The following PREP variants were observed in gnomAD, a reference collection of about 807,000 sequenced individuals.
PREP encodes the protein prolyl endopeptidase, also known as dJ355L5.1 (prolyl endopeptidase).
In PREP, 29 loss-of-function variants were observed where a neutral mutation model predicts 87.6. That is an observed-to-expected ratio of 0.33 (90% CI 0.25 to 0.45). The LOEUF (loss-of-function observed/expected upper bound fraction) is 0.45, where lower values mean the gene tolerates loss of function less well. Among genes scored for constraint, PREP ranks in the 20% least tolerant of loss-of-function variants. PREP has a pLI of 1.00. For synonymous variants in PREP, 337 were observed against 328.6 expected, an observed-to-expected ratio of 1.03 and a Z score of -0.28; for missense variants, 695 against 886.5, an observed-to-expected ratio of 0.78 and a Z score of 2.74.
At chr6:105,282,288 T>C (rs1298028394) in intron 13 of PREP, among the ~76,000 whole-genome samples, 163 bp downstream of exon 13, 1 of 152,224 alleles carries the variant, frequency 6.6e-6, no homozygotes, top group Non-Finnish European at 1.5e-5. Flanking sequence ...CGTATGTCAT[T>C]TATCAGATAC....
chr6:105,324,922 G>A (rs1192985558), intron 9 of PREP, among the ~76,000 whole-genome samples: 6 of 152,300 alleles, frequency 3.9e-5, no homozygotes, highest in South Asian at 4.1e-4. Context: ...CAGGGTATAC[G>A]ATTAACGCTG....
Position 105,343,356 on chromosome 6 carries a change from T to C in PREP, c.823+9616A>G, listed in dbSNP as rs1299943175. Reference sequence around the variant, plus strand: ...AAGCTGAAACTGGATCCCTTCCTTATACCTTATACAAAAATTAATTCAAGA... The same window carrying C: ...AAGCTGAAACTGGATCCCTTCCTTACACCTTATACAAAAATTAATTCAAGA... On this transcript the variant is annotated intron_variant, in intron 7 of 14. Transcript: ENST00000652536. Among the ~76,000 whole-genome samples the C allele has an allele frequency of 6.1e-3, 905 of 149,580 alleles. 4 individuals are homozygous for C. The highest frequency in any genetic ancestry group is 9.0e-3 in the Non-Finnish European group (608 of 67,342).
intron 7 of PREP, among the ~76,000 whole-genome samples, chr6:105,347,409 C>A (rs1325025781): frequency 6.6e-6 from 1 of 152,158 alleles, no homozygotes; most frequent in Non-Finnish European, 1.5e-5. Flanking sequence ...TTTAGGTACT[C>A]CTACATTTTA....
At position 105,323,234 on chromosome 6, in the gene PREP, C is replaced by T. The variant is rs553633746; in HGVS notation, c.1317+431G>A. 8.0e-5 allele frequency: 67 copies of T among 835,798 alleles called. No individual in the cohort carries two copies. In the African/African-American group the frequency reaches 1.2e-3, roughly 14 times the overall value. The allele number at this position is 835,798 out of a possible 1,614,324, so 51.8% of individuals were successfully genotyped here. On this transcript the variant is annotated intron_variant, in intron 10 of 14. Transcript: ENST00000652536. ...GTTTTATTGAGTGTCTACTCTGTGTCATGCAGAAATGCACATGAACTTCAG... is the reference window on the plus strand; with the variant it reads ...GTTTTATTGAGTGTCTACTCTGTGTTATGCAGAAATGCACATGAACTTCAG...
At chr6:105,352,614 C>T (rs1412242417) in intron 7 of PREP, among the ~76,000 whole-genome samples, 1 of 152,176 alleles carries the variant, frequency 6.6e-6, no homozygotes, top group Non-Finnish European at 1.5e-5. Flanking sequence ...GCCTCCTGAG[C>T]CCCTAGGATT....
At chr6:105,293,015 T>A (rs1309702104) in intron 10 of PREP, among the ~76,000 whole-genome samples, 2 of 152,338 alleles carry the variant, frequency 1.3e-5, no homozygotes, top group African/African-American at 4.8e-5. Context: ...TGATCTTCTA[T>A]CCAGACCACT....
In PREP at chr6:105,277,062, T is replaced by C. The variant is rs1448558814; in HGVS notation, c.*1082A>G. On this transcript the variant is annotated 3_prime_UTR_variant, in exon 15 of 15. Coordinates refer to ENST00000652536, the MANE Select transcript of PREP (RefSeq NM_002726.5). ...CAAACTGATACTCAAAGGAACATTG[T>C]TTCATGAAATGTTAAAATATATGCC... Among the ~76,000 whole-genome samples, 1 of 152,166 alleles carries C rather than the reference T, an allele frequency of 6.6e-6. No individual in the cohort carries two copies. The highest frequency in any genetic ancestry group is 1.5e-5 in the Non-Finnish European group (1 of 68,024).
chr6:105,300,083 G>C (rs1332099475), intron 10 of PREP, among the ~76,000 whole-genome samples: 1 of 152,142 alleles, frequency 6.6e-6, no homozygotes, highest in African/African-American at 2.4e-5. Flanking sequence ...TTTTAGTAGA[G>C]ATAGGGTTTC....
At chr6:105,351,952 T>C (rs1771967357) in intron 7 of PREP, among the ~76,000 whole-genome samples, 1 of 152,186 alleles carries the variant, frequency 6.6e-6, no homozygotes, top group African/African-American at 2.4e-5. Flanking sequence ...TATATGTGTG[T>C]GAATGGTGCT....
intron 10 of PREP, among the ~76,000 whole-genome samples, chr6:105,295,221 A>G (rs1770384983): frequency 7.0e-6 from 1 of 142,014 alleles, no homozygotes; most frequent in African/African-American, 2.7e-5. Context: ...GGCCTTGCCT[A>G]TCCCTCACAG....
intron 10 of PREP, among the ~76,000 whole-genome samples, chr6:105,297,831 C>T: frequency 6.6e-6 from 1 of 152,272 alleles, no homozygotes; most frequent in African/African-American, 2.4e-5. Flanking sequence ...CCTGGCACCC[C>T]CTTTCACCTT....
chr6:105,311,997 ACTCTTT>A (rs1367751091), intron 10 of PREP, among the ~76,000 whole-genome samples: 3 of 152,190 alleles, frequency 2.0e-5, no homozygotes, highest in Non-Finnish European at 2.9e-5. Context: ...TTCAGATTAT[ACTCTTT>A]CTAAGTCTCT....
intron 10 of PREP, among the ~76,000 whole-genome samples, chr6:105,291,887 A>C (rs1456849070): frequency 1.3e-5 from 2 of 152,234 alleles, no homozygotes; most frequent in Non-Finnish European, 2.9e-5. Flanking sequence ...TGTTCACTGC[A>C]TCTTCACCAG....
In PREP at chr6:105,302,692, G is replaced by T. The variant is rs1206201387; in HGVS notation, c.1318-13798C>A. 1.6e-5 allele frequency: 8 copies of T among 500,134 alleles called. No individual in the cohort carries two copies. In the East Asian group the frequency reaches 3.9e-4, roughly 25 times the overall value. 31.0% of individuals were successfully genotyped at this position (500,134 alleles called of 1,614,324 possible). ...GGAATTGTGGATGACACGGATCTTAGAGAGCTTGGAGACCGCGCCGCCTGT... is the reference window on the plus strand; with the variant it reads ...GGAATTGTGGATGACACGGATCTTATAGAGCTTGGAGACCGCGCCGCCTGT... On this transcript the variant is annotated intron_variant, in intron 10 of 14. Transcript: ENST00000652536.
Position 105,377,537 on chromosome 6 carries a change from T to C in PREP, c.121-18A>G. ...ACAAAGGCCTGTGGAGAAATTAAAA[T>C]GGACAAAGCAAGTTAAATATAAAAT... On this transcript the variant is annotated intron_variant, in intron 2 of 14. Coordinates refer to ENST00000652536, the MANE Select transcript of PREP (RefSeq NM_002726.5). 6.2e-7 allele frequency: 1 copy of C among 1,606,124 alleles called. No individual in the cohort carries two copies. Among genetic ancestry groups the C allele is most frequent in the Non-Finnish European group, 8.5e-7 (1 of 1,178,048 alleles).
At chr6:105,394,441 AAC>A (rs1318982727) in intron 2 of PREP, among the ~76,000 whole-genome samples, 1 of 152,234 alleles carries the variant, frequency 6.6e-6, no homozygotes, top group Non-Finnish European at 1.5e-5. Flanking sequence ...AATAGCTGAA[AAC>A]TTATTCAAAT....
chr6:105,318,169 T>G (rs913775105), intron 10 of PREP, among the ~76,000 whole-genome samples: 8 of 152,180 alleles, frequency 5.3e-5, no homozygotes, highest in African/African-American at 1.7e-4. Context: ...AAGGCCCTAA[T>G]TTTTAGCTAG....
intron 10 of PREP, chr6:105,298,196 C>T (rs971656284): frequency 6.6e-6 from 1 of 152,274 alleles, no homozygotes; most frequent in African/African-American, 2.4e-5. Context: ...TGATGAATCA[C>T]CTGAGAGAGA....
At chr6:105,279,411 A>C (rs1365032539) in intron 14 of PREP, among the ~76,000 whole-genome samples, 1 of 152,230 alleles carries the variant, frequency 6.6e-6, no homozygotes, top group Non-Finnish European at 1.5e-5. Context: ...ATTCTTCCAA[A>C]TATGGGTTAG....
Sources: allele counts gnomAD v4.1 joint callset (sites outside exome capture counted in the v4.1 genomes callset), GRCh38; gene constraint gnomAD v4.1.1; transcripts MANE v1.5; gene names NCBI Gene and HGNC (gene_info 2026-07-23, HGNC 2026-07-21).